Variants in ATRX observed in about 807,000 individuals in gnomAD.
ATRX encodes the protein ATRX chromatin remodeler.
A neutral mutation model predicts 172.6 loss-of-function variants in ATRX; 12 were observed. The ratio of observed to expected loss-of-function variants is 0.07; its 90% CI spans 0.04 to 0.11. The LOEUF (loss-of-function observed/expected upper bound fraction) is 0.11, where lower values mean the gene tolerates loss of function less well. Among genes scored for constraint, ATRX ranks in the 10% least tolerant of loss-of-function variants. The probability of loss-of-function intolerance (pLI) is 1.00; values close to 1 mark genes in which losing one functional copy is unlikely to be tolerated. For missense variants in ATRX, 1,368 were observed against 1,767.4 expected, an observed-to-expected ratio of 0.77 and a Z score of 4.05; for synonymous variants, 674 against 594.7, an observed-to-expected ratio of 1.13 and a Z score of -1.94.
intron 10 of ATRX, among the ~76,000 whole-genome samples, chrX:77,666,057 C>A (rs1463607470): frequency 1.8e-5 from 2 of 112,050 alleles, no homozygotes; most frequent in Non-Finnish European, 3.8e-5. Flanking sequence ...TTCAAAGATG[C>A]ATAGCAAAGG....
intron 28 of ATRX, among the ~76,000 whole-genome samples, chrX:77,559,516 T>C (rs2064940646): frequency 1.2e-5 from 1 of 84,050 alleles, no homozygotes; most frequent in Non-Finnish European, 2.1e-5. Context: ...GGGAGTGCAA[T>C]GGCGCAATCT....
chrX:77,534,771 T>C (rs781844196), intron 30 of ATRX, among the ~76,000 whole-genome samples: 1 of 112,030 alleles, frequency 8.9e-6, no homozygotes, highest in Non-Finnish European at 1.9e-5. Context: ...TGATAAATTA[T>C]AAGTTTAAGT....
chrX:77,604,401 C>G (rs2066816229), intron 22 of ATRX, among the ~76,000 whole-genome samples: 1 of 112,280 alleles, frequency 8.9e-6, no homozygotes, highest in Non-Finnish European at 1.9e-5. Context: ...AAAAAATTCT[C>G]AACATCACTA....
In ATRX at chrX:77,636,058, T is replaced by TACA; in HGVS notation, c.4558-5_4558-3dup. 8.3e-7 allele frequency: 1 copy of TACA among 1,209,407 alleles called. No individual in the cohort carries two copies. Among genetic ancestry groups the TACA allele is most frequent in the South Asian group, 1.8e-5 (1 of 56,858 alleles). ...TGAAGCATCTTCAATTTCTATCACC[T>TACA]ACAAGAAAAGGAGTTGTTGATAGTT... On this transcript the variant is annotated splice_polypyrimidine_tract_variant and splice_region_variant and intron_variant, in intron 15 of 34. Transcript: ENST00000373344.
chrX:77,758,528 G>A (rs1557191362), intron 1 of ATRX, among the ~76,000 whole-genome samples: 3 of 105,813 alleles, frequency 2.8e-5, no homozygotes, highest in Admixed American at 1.0e-4. Flanking sequence ...GGCCAAGGCG[G>A]GTGGATCACT....
rs1211312426 is a variant in ATRX at position 77,652,333 on chromosome X, C to T, written c.4338G>A (p.Glu1446=). 2.5e-6 allele frequency: 3 copies of T among 1,202,220 alleles called. No homozygotes were observed. The highest frequency in any genetic ancestry group is 3.5e-5 in the African/African-American group (2 of 56,444). ...CTTCCTCCTCCTCTTCTTTTTCCTC[C>T]TCTTCTTCCTCAGAATTACTCTACA... is the stretch of plus-strand genomic sequence containing the variant. ...SENKSNSEEE[E]EEKEEEEEEE... The change falls in exon 15 of 35, where the codon GAG becomes GAA. Residue 1446 remains glutamate (E), a synonymous_variant. Transcript: ENST00000373344.
intron 28 of ATRX, among the ~76,000 whole-genome samples, chrX:77,563,427 T>G (rs1281000516): frequency 2.7e-5 from 3 of 112,469 alleles, no homozygotes; most frequent in African/African-American, 9.7e-5. Flanking sequence ...AGGATCACCA[T>G]GCTTTCATAC....
intron 2 of ATRX, among the ~76,000 whole-genome samples, chrX:77,701,970 G>GT (rs1230065702): frequency 9.0e-6 from 1 of 110,720 alleles, no homozygotes; most frequent in Non-Finnish European, 1.9e-5. Context: ...GGATGCTGAG[G>GT]TAGGAAAGTC....
chrX:77,755,339 T>C (rs782785977), intron 1 of ATRX, among the ~76,000 whole-genome samples: 43 of 112,241 alleles, frequency 3.8e-4, no homozygotes, highest in African/African-American at 1.3e-3. Flanking sequence ...TTCTGTCAAT[T>C]CGTCAAACTC....
intron 1 of ATRX, among the ~76,000 whole-genome samples, chrX:77,733,531 A>G (rs1450499812): frequency 4.6e-5 from 5 of 109,681 alleles, no homozygotes; most frequent in Non-Finnish European, 9.5e-5. Context: ...CTATTTCTAG[A>G]AAGGTGCCGA....
intron 10 of ATRX, among the ~76,000 whole-genome samples, chrX:77,669,330 C>G (rs2070430072): frequency 9.4e-6 from 1 of 106,529 alleles, no homozygotes; most frequent in African/African-American, 3.4e-5. Context: ...TTTTTCCAGA[C>G]AAAGTCTTGT....
intron 10 of ATRX, among the ~76,000 whole-genome samples, chrX:77,667,436 A>G (rs2070322019): frequency 9.1e-6 from 1 of 110,219 alleles, no homozygotes; most frequent in African/African-American, 3.3e-5. Context: ...TGGGTTGAAC[A>G]CTAAACAGCC....
Position 77,744,603 on chromosome X carries a change from T to G in ATRX, c.21-27360A>C, listed in dbSNP as rs782778453. ...TCAAAATATTGATTTTAAGGGTCAC[T>G]GAGATGCAAGAAAAGTCTGAAAACC... On this transcript the variant is annotated intron_variant, in intron 1 of 34. Transcript: ENST00000373344. 1.8e-4 allele frequency among the ~76,000 whole-genome samples: 20 copies of G among 111,092 alleles called. 1 individual carries two copies. Among genetic ancestry groups the G allele is most frequent in the African/African-American group, 5.9e-4 (18 of 30,572 alleles).
Position 77,696,546 on chromosome X carries a change from T to C in ATRX, c.370+31A>G. On this transcript the variant is annotated intron_variant, in intron 5 of 34. Transcript: ENST00000373344. ...ATGATGTTTAAAAATTCATTTCAAC[T>C]TTAACTTCATGAAAAATTAACACAC... is the stretch of plus-strand genomic sequence containing the variant. 3 of 1,194,816 alleles carry C rather than the reference T, an allele frequency of 2.5e-6. No individual in the cohort carries two copies. In the East Asian group the frequency reaches 8.9e-5, roughly 36 times the overall value.
chrX:77,760,235 T>C lies in ATRX; in HGVS notation c.20+25747A>G, dbSNP rs180916367. Among the ~76,000 whole-genome samples the C allele has an allele frequency of 1.4e-4, 14 of 101,099 alleles. No individual in the cohort carries two copies. The East Asian group carries it at 4.3e-3, about 31-fold the overall frequency. The allele number at this position is 101,099 out of a possible 115,157, so 87.8% of individuals were successfully genotyped here. ...CAGATCTGGAGTTACATCAAAATCC[T>C]AAAAACAACATTGAGCAAACAAACA... On this transcript the variant is annotated intron_variant, in intron 1 of 34. Coordinates refer to ENST00000373344, the MANE Select transcript of ATRX (RefSeq NM_000489.6).
chrX:77,607,643 G>A (rs1392684988), intron 22 of ATRX, among the ~76,000 whole-genome samples: 5 of 104,724 alleles, frequency 4.8e-5, no homozygotes, highest in Non-Finnish European at 9.8e-5. Flanking sequence ...AAACCAGGAG[G>A]TGGAGGTTGC....
At chrX:77,750,531 T>TA (rs1235148754) in intron 1 of ATRX, among the ~76,000 whole-genome samples, 1 of 111,120 alleles carries the variant, frequency 9.0e-6, no homozygotes, top group African/African-American at 3.3e-5. Flanking sequence ...TTTTTTTTTT[T>TA]ACTTTACGAT....
chrX:77,538,226 C>CACAA (rs1376388613), intron 30 of ATRX, among the ~76,000 whole-genome samples: 1 of 94,472 alleles, frequency 1.1e-5, no homozygotes, highest in Non-Finnish European at 2.1e-5. Context: ...TGTATACACA[C>CACAA]ACAAACACAC....
rs782741310 is a variant in ATRX at position 77,767,869 on chromosome X, C to T, written c.20+18113G>A. 7.1e-5 allele frequency among the ~76,000 whole-genome samples: 8 copies of T among 112,071 alleles called. No individual in the cohort carries two copies. In the South Asian group the frequency reaches 3.0e-3, roughly 41 times the overall value. ...CCCAAACTGTATTTCTGAAATGTTA[C>T]TGCCTTCCTCTTCTTATCTAGGTTA... On this transcript the variant is annotated intron_variant, in intron 1 of 34. Coordinates refer to ENST00000373344, the MANE Select transcript of ATRX (RefSeq NM_000489.6).
Sources: gnomAD v4.1 joint callset for allele counts (sites outside exome capture counted in the v4.1 genomes callset) on GRCh38, gnomAD v4.1.1 for gene constraint, MANE v1.5 for transcripts, NCBI Gene and HGNC (gene_info 2026-07-23, HGNC 2026-07-21) for gene names.